The following CAMTA1 variants were observed in gnomAD, a reference collection of about 807,000 sequenced individuals.
CAMTA1 encodes calmodulin binding transcription activator 1, also known as calmodulin-binding transcription activator 1.
CAMTA1 carries 27 observed loss-of-function variants against 170.9 expected under a neutral mutation model. The ratio of observed to expected loss-of-function variants is 0.16; its 90% confidence interval spans 0.12 to 0.22. CAMTA1 has a LOEUF of 0.22. Among genes scored for constraint, CAMTA1 ranks in the 10% least tolerant of loss-of-function variants. The pLI is 1.00. For synonymous variants in CAMTA1, 833 were observed against 891.5 expected (o/e 0.93, Z 1.17); for missense variants, 1,619 against 2,217.2 (o/e 0.73, Z 5.42).
intron 5 of CAMTA1, among the ~76,000 whole-genome samples, chr1:7,329,071 C>T (rs1426384111): frequency 6.6e-6 from 1 of 152,156 alleles, no homozygotes; most frequent in African/African-American, 2.4e-5. Flanking sequence ...CTTAACTCCA[C>T]TTAATGCATC....
At chr1:7,636,085 C>T (rs1040019121) in intron 6 of CAMTA1, among the ~76,000 whole-genome samples, 1 of 152,308 alleles carries the variant, frequency 6.6e-6, no homozygotes, top group African/African-American at 2.4e-5. Context: ...GGGGCTGGGA[C>T]ACTCTGCTAA....
rs1018249228 is a variant in CAMTA1 at position 6,792,115 on chromosome 1, G to A, written c.45+6540G>A. Among the ~76,000 whole-genome samples, 10 of 151,872 alleles carry A rather than the reference G, an allele frequency of 6.6e-5. No individual in the cohort carries two copies. The East Asian group carries it at 7.7e-4, about 12-fold the overall frequency. On this transcript the variant is annotated intron_variant, in intron 1 of 22. Coordinates refer to ENST00000303635, the MANE Select transcript of CAMTA1 (RefSeq NM_015215.4). ...ATTACAGGCGTGCACCACCATGCCC[G>A]GCTAATTTTTTTTCGTATTTTTAGT...
At chr1:7,072,131 G>A (rs1323468341) in intron 3 of CAMTA1, among the ~76,000 whole-genome samples, 1 of 152,222 alleles carries the variant, frequency 6.6e-6, no homozygotes, top group Non-Finnish European at 1.5e-5. Context: ...CAGCTGAGCT[G>A]AACGACACGT....
chr1:7,598,295 A>G (rs1480709671), intron 6 of CAMTA1, among the ~76,000 whole-genome samples: 6 of 152,206 alleles, frequency 3.9e-5, no homozygotes, highest in African/African-American at 7.2e-5. Flanking sequence ...ATAGTATTCC[A>G]TGGTGTATAT....
intron 7 of CAMTA1, among the ~76,000 whole-genome samples, chr1:7,648,076 C>A (rs936496569): frequency 6.6e-6 from 1 of 152,002 alleles, no homozygotes; most frequent in Non-Finnish European, 1.5e-5. Flanking sequence ...CAGAGCAAGA[C>A]CTTGTCTAAA....
chr1:6,955,886 C>T (rs539778379), intron 3 of CAMTA1, among the ~76,000 whole-genome samples: 2 of 152,130 alleles, frequency 1.3e-5, no homozygotes, highest in African/African-American at 2.4e-5. Flanking sequence ...TTTTCTCCCG[C>T]GGGTCTTCCT....
intron 5 of CAMTA1, among the ~76,000 whole-genome samples, chr1:7,324,107 G>A (rs758873146): frequency 6.6e-6 from 1 of 152,118 alleles, no homozygotes; most frequent in Non-Finnish European, 1.5e-5. Flanking sequence ...TTATGATGAT[G>A]TATCTGCCCA....
At chr1:7,409,161 A>C (rs547288361) in intron 5 of CAMTA1, among the ~76,000 whole-genome samples, 36 of 152,308 alleles carry the variant, frequency 2.4e-4, no homozygotes, top group South Asian at 6.2e-4. Flanking sequence ...CTGAGAAGAA[A>C]ACTGGGTCCA....
rs184951452 is a variant in CAMTA1 at position 7,089,520 on chromosome 1, C to T, written c.235-1784C>T. Among the ~76,000 whole-genome samples, 836 of 151,060 alleles carry T rather than the reference C, an allele frequency of 5.5e-3. 5 individuals are homozygous for T. Among genetic ancestry groups the T allele is most frequent in the South Asian group, 0.024 (112 of 4,758 alleles). On this transcript the variant is annotated intron_variant, in intron 3 of 22. Transcript: ENST00000303635. ...CATGCATATTTACTTCTGCCATGCA[C>T]GTTTTTCCTAGCCCCATCCCATCCC...
chr1:7,629,548 C>T (rs950837860), intron 6 of CAMTA1, among the ~76,000 whole-genome samples: 1 of 152,264 alleles, frequency 6.6e-6, no homozygotes, highest in Non-Finnish European at 1.5e-5. Context: ...AACCCGTATT[C>T]TTAGCTTTCA....
chr1:6,973,714 T>C (rs191166022), intron 3 of CAMTA1, among the ~76,000 whole-genome samples: 2 of 152,346 alleles, frequency 1.3e-5, no homozygotes, highest in East Asian at 3.9e-4. Flanking sequence ...TTTGGTTTTG[T>C]CATCTGCTGG....
In CAMTA1 at chr1:7,139,913, T is replaced by G. The variant is rs187451258; in HGVS notation, c.302+48542T>G. ...AAGTGGCTGGCTCATTCAGCCACAGTGTAGCATTGGCATTTAAAAATATAT... is the reference window on the plus strand; with the variant it reads ...AAGTGGCTGGCTCATTCAGCCACAGGGTAGCATTGGCATTTAAAAATATAT... On this transcript the variant is annotated intron_variant, in intron 4 of 22. Transcript: ENST00000303635. Among the ~76,000 whole-genome samples, 16 of 152,352 alleles carry G rather than the reference T, an allele frequency of 1.1e-4. No individual in the cohort carries two copies. In the East Asian group the frequency reaches 2.1e-3, roughly 20 times the overall value.
At chr1:7,521,063 A>C (rs1383044379) in intron 6 of CAMTA1, among the ~76,000 whole-genome samples, 1 of 152,178 alleles carries the variant, frequency 6.6e-6, no homozygotes, top group Non-Finnish European at 1.5e-5. Flanking sequence ...AATAAGAAAA[A>C]TAAAAAAAAT....
At chr1:6,867,274 C>T (rs1424146918) in intron 3 of CAMTA1, among the ~76,000 whole-genome samples, 1 of 152,078 alleles carries the variant, frequency 6.6e-6, no homozygotes, top group Non-Finnish European at 1.5e-5. Flanking sequence ...AAAAAAGTTA[C>T]ATTATTGAGG....
At chr1:6,953,715 T>C (rs918680066) in intron 3 of CAMTA1, among the ~76,000 whole-genome samples, 2 of 152,250 alleles carry the variant, frequency 1.3e-5, no homozygotes, top group African/African-American at 4.8e-5. Flanking sequence ...CTGCACTTTA[T>C]AGCCTTTTAA....
intron 4 of CAMTA1, among the ~76,000 whole-genome samples, chr1:7,229,287 C>G (rs74051202): frequency 3.3e-5 from 5 of 150,754 alleles, no homozygotes; most frequent in African/African-American, 1.2e-4. Context: ...GTCAAATGCA[C>G]CCCTGTTCCC....
chr1:7,345,943 T>C (rs1557558270), intron 5 of CAMTA1, among the ~76,000 whole-genome samples: 1 of 152,166 alleles, frequency 6.6e-6, no homozygotes, highest in Non-Finnish European at 1.5e-5. Context: ...AGGAGGTGTT[T>C]TGGGGTACAG....
chr1:6,883,257 A>G (rs910551361), intron 3 of CAMTA1, among the ~76,000 whole-genome samples: 1 of 152,184 alleles, frequency 6.6e-6, no homozygotes, highest in African/African-American at 2.4e-5. Context: ...CTGGAGCAAG[A>G]AACAGACGGG....
At chr1:6,825,996 A>C (rs984736237) in intron 3 of CAMTA1, among the ~76,000 whole-genome samples, 2 of 152,198 alleles carry the variant, frequency 1.3e-5, no homozygotes, top group East Asian at 3.9e-4. Context: ...GGTTTTGCCA[A>C]GTTCCATTTG....
Sources: allele counts gnomAD v4.1 joint callset (sites outside exome capture counted in the v4.1 genomes callset), GRCh38; gene constraint gnomAD v4.1.1; transcripts MANE v1.5; gene names NCBI Gene and HGNC (gene_info 2026-07-23, HGNC 2026-07-21).